The following ALK variants were observed in gnomAD, a reference collection of about 807,000 sequenced individuals.
ALK encodes the protein ALK receptor tyrosine kinase.
Under a neutral mutation model 163.1 loss-of-function variants are expected in ALK, and 74 were observed. That is an observed-to-expected ratio of 0.45 (90% CI 0.38 to 0.55). The LOEUF (loss-of-function observed/expected upper bound fraction) is 0.55, where lower values mean the gene tolerates loss of function less well. ALK is among the 20% of genes least tolerant of loss of function. The pLI, the probability that ALK is intolerant of heterozygous loss-of-function variation, is 0.00. For missense variants in ALK, 2,063 were observed against 2,105.3 expected, an observed-to-expected ratio of 0.98 and a Z score of 0.39; for synonymous variants, 960 against 843.2, an observed-to-expected ratio of 1.14 and a Z score of -2.40.
rs1195417530 is a variant in ALK, at chr2:29,430,275, G to T, written c.1155-46416C>A. Among the ~76,000 whole-genome samples, 4 of 152,160 alleles carry T rather than the reference G, an allele frequency of 2.6e-5. No homozygotes were observed. In the South Asian group the frequency reaches 6.2e-4, roughly 24 times the overall value. ...AACTGAAAAGATAATTCACAGATGGGGAGAAAATATTTGCAAGTCATATAT... is the reference window on the plus strand; with the variant it reads ...AACTGAAAAGATAATTCACAGATGGTGAGAAAATATTTGCAAGTCATATAT... On this transcript the variant is annotated intron_variant, in intron 4 of 28. Transcript: ENST00000389048.
chr2:29,311,182 G>A lies in ALK; in HGVS notation c.1647+7122C>T, dbSNP rs1370479004. ...CACCAGGGTGAGGGTGACTCATGGG[G>A]TAGATGAGGGGCAACCATAGTTGAA... is the stretch of plus-strand genomic sequence containing the variant. On this transcript the variant is annotated intron_variant, in intron 8 of 28. Transcript: ENST00000389048. 5.9e-5 allele frequency among the ~76,000 whole-genome samples: 9 copies of A among 152,228 alleles called. No individual in the cohort carries two copies. In the South Asian group the frequency reaches 1.2e-3, roughly 21 times the overall value.
chr2:29,647,717 T>G (rs1676919856), intron 3 of ALK, among the ~76,000 whole-genome samples: 1 of 151,754 alleles, frequency 6.6e-6, no homozygotes, highest in South Asian at 2.1e-4. Flanking sequence ...GGCTTCCTAT[T>G]GCTCAGAGAA....
Position 29,328,433 on chromosome 2 carries a change from CA to C in ALK, c.1330del (p.Trp444GlyfsTer63). 6.2e-7 allele frequency: 1 copy of C among 1,614,204 alleles called. No homozygotes were observed. Among genetic ancestry groups the C allele is most frequent in the East Asian group, 2.2e-5 (1 of 44,860 alleles). On this transcript the variant is annotated frameshift_variant, in exon 6 of 29. Coordinates refer to ENST00000389048, the MANE Select transcript of ALK (RefSeq NM_004304.5). LOFTEE classifies it high-confidence loss of function. ...CCCAAGCTGGAGGACTGTCCCATTC[CA>C]ACAAGTGAAGGAGCTCTGCAGGGCC... ...KMALQSSFTC[W>X]NGTVLQLGQA...
chr2:29,602,758 A>G (rs1342734926), intron 3 of ALK, among the ~76,000 whole-genome samples: 1 of 152,232 alleles, frequency 6.6e-6, no homozygotes, highest in Non-Finnish European at 1.5e-5. Context: ...GCTGGACAAT[A>G]GAGGCTACCA....
intron 1 of ALK, among the ~76,000 whole-genome samples, chr2:29,775,197 A>G (rs1316912791): frequency 6.6e-6 from 1 of 152,220 alleles, no homozygotes; most frequent in Non-Finnish European, 1.5e-5. Flanking sequence ...GGAAGGTTAT[A>G]AAAGGAGCCA....
chr2:29,864,655 A>T (rs1280538825), intron 1 of ALK, among the ~76,000 whole-genome samples: 1 of 151,190 alleles, frequency 6.6e-6, no homozygotes, highest in Non-Finnish European at 1.5e-5. Flanking sequence ...GTATTTCTTC[A>T]TACATATTGT....
In ALK at chr2:29,225,555, G is replaced by T. The variant is rs2148176571; in HGVS notation, c.3078C>A (p.Thr1026=). 5.0e-6 allele frequency: 8 copies of T among 1,609,844 alleles called. No individual in the cohort carries two copies. Among genetic ancestry groups the T allele is most frequent in the African/African-American group, 2.7e-5 (2 of 74,988 alleles). The stretch of plus-strand genomic sequence containing the variant: ...GCGAGAGTGGCAGGTGTGGCTCCGG[G>T]GTGGGTGACACTGGAAGACAGGTCC... The part of the protein sequence containing the change: ...EDGVSCIVSP[T]PEPHLPLSLI... Residue 1026 remains threonine, a synonymous_variant, in exon 19 of 29, where the codon ACC becomes ACA. Transcript: ENST00000389048.
At chr2:29,718,736 G>A (rs949266230) in intron 1 of ALK, among the ~76,000 whole-genome samples, 1 of 152,216 alleles carries the variant, frequency 6.6e-6, no homozygotes. Flanking sequence ...AGTGATGGAA[G>A]CAGAAACTGA....
chr2:29,807,400 C>T (rs1171159605), intron 1 of ALK, among the ~76,000 whole-genome samples: 3 of 152,210 alleles, frequency 2.0e-5, no homozygotes, highest in Non-Finnish European at 2.9e-5. Context: ...ATGGTGGCAG[C>T]CCTCAGGAAG....
intron 4 of ALK, among the ~76,000 whole-genome samples, chr2:29,405,899 A>C (rs995846557): frequency 1.3e-5 from 2 of 152,096 alleles, no homozygotes; most frequent in Non-Finnish European, 2.9e-5. Flanking sequence ...GCTGGTTTAG[A>C]TCTTTCTACT....
At chr2:29,592,206 A>G (rs758543900) in intron 3 of ALK, among the ~76,000 whole-genome samples, 8 of 152,088 alleles carry the variant, frequency 5.3e-5, no homozygotes, top group Non-Finnish European at 8.8e-5. Context: ...TCTGACTCTC[A>G]TATTCCTCTT....
chr2:29,217,558 C>T (rs934081008), intron 23 of ALK, among the ~76,000 whole-genome samples: 1 of 152,108 alleles, frequency 6.6e-6, no homozygotes, highest in East Asian at 1.9e-4. Context: ...CTCTGTCTAC[C>T]GCGTCTGCAC....
chr2:29,569,571 CCTA>C, intron 3 of ALK, among the ~76,000 whole-genome samples: 1 of 151,700 alleles, frequency 6.6e-6, no homozygotes, highest in Non-Finnish European at 1.5e-5. Context: ...CTTCCCCCCC[CCTA>C]GTGAGGTCCA....
chr2:29,575,939 T>C (rs1211036501), intron 3 of ALK, among the ~76,000 whole-genome samples: 3 of 152,174 alleles, frequency 2.0e-5, no homozygotes, highest in East Asian at 3.9e-4. Flanking sequence ...CAGAGGTTGA[T>C]GCAGAGGAAA....
intron 3 of ALK, among the ~76,000 whole-genome samples, chr2:29,546,223 T>C (rs547441830): frequency 6.6e-6 from 1 of 152,342 alleles, no homozygotes; most frequent in South Asian, 2.1e-4. Flanking sequence ...GGTGGTTTTT[T>C]TCTTTTACAT....
intron 3 of ALK, among the ~76,000 whole-genome samples, chr2:29,673,914 C>T (rs1370378881): frequency 1.3e-5 from 2 of 149,458 alleles, no homozygotes; most frequent in Non-Finnish European, 3.0e-5. Context: ...AGTTGGATTC[C>T]TAGGTATTTT....
intron 1 of ALK, among the ~76,000 whole-genome samples, chr2:29,898,977 T>G (rs1252111394): frequency 6.6e-6 from 1 of 152,294 alleles, no homozygotes; most frequent in Admixed American, 6.5e-5. Flanking sequence ...AGCCTCTGCT[T>G]TTTTTCAGAT....
intron 1 of ALK, among the ~76,000 whole-genome samples, chr2:29,913,207 T>C (rs1667751632): frequency 6.6e-6 from 1 of 152,168 alleles, no homozygotes; most frequent in Non-Finnish European, 1.5e-5. Context: ...CTGCCCACTT[T>C]CTGGAATATG....
At chr2:29,596,459 T>G (rs1469677614) in intron 3 of ALK, among the ~76,000 whole-genome samples, 1 of 152,170 alleles carries the variant, frequency 6.6e-6, no homozygotes, top group East Asian at 1.9e-4. Flanking sequence ...CCTTCCCTGA[T>G]AGTGTTCCCT....
Sources: gnomAD v4.1 joint callset for allele counts (sites outside exome capture counted in the v4.1 genomes callset) on GRCh38, gnomAD v4.1.1 for gene constraint, MANE v1.5 for transcripts, NCBI Gene and HGNC (gene_info 2026-07-23, HGNC 2026-07-21) for gene names.